SHROOM4: variants seen among roughly 807,000 people sequenced by gnomAD.
SHROOM4 encodes the protein protein Shroom4.
Under a neutral mutation model 80.3 loss-of-function variants are expected in SHROOM4, and 17 were observed. That is an observed-to-expected ratio of 0.21 (90% CI 0.14 to 0.32). The LOEUF (loss-of-function observed/expected upper bound fraction) is 0.32. Among genes scored for constraint, SHROOM4 ranks in the 10% least tolerant of loss-of-function variants. The pLI is 1.00. For missense variants in SHROOM4, 993 were observed against 1,140.3 expected (o/e 0.87, Z 1.86); for synonymous variants, 400 against 437.5 (o/e 0.91, Z 1.07).
At chrX:50,729,445 A>T (rs1189096545) in intron 1 of SHROOM4, among the ~76,000 whole-genome samples, 2 of 111,828 alleles carry the variant, frequency 1.8e-5, no homozygotes, top group Non-Finnish European at 1.9e-5. Flanking sequence ...ATGAATAGAG[A>T]TTATACAAAA....
intron 4 of SHROOM4, among the ~76,000 whole-genome samples, chrX:50,632,117 A>T (rs1602385359): frequency 9.0e-6 from 1 of 111,345 alleles, no homozygotes; most frequent in African/African-American, 3.3e-5. Context: ...TCACCACCCC[A>T]CAAGTTCCCT....
At chrX:50,673,680 A>C (rs915763003) in intron 2 of SHROOM4, among the ~76,000 whole-genome samples, 1 of 110,893 alleles carries the variant, frequency 9.0e-6, no homozygotes, top group African/African-American at 3.3e-5. Context: ...AAGCAGGTTG[A>C]AAGTACAAAG....
At chrX:50,773,828 T>C (rs781890826) in intron 1 of SHROOM4, among the ~76,000 whole-genome samples, 1 of 112,770 alleles carries the variant, frequency 8.9e-6, no homozygotes, top group Admixed American at 9.3e-5. Flanking sequence ...CACAGCTTTA[T>C]GAAAGGCACT....
intron 1 of SHROOM4, among the ~76,000 whole-genome samples, chrX:50,736,494 TGAAAA>T (rs1934496625): frequency 9.0e-6 from 1 of 111,608 alleles, no homozygotes; most frequent in Non-Finnish European, 1.9e-5. Context: ...CACTTATAAG[TGAAAA>T]CATGCAGTGT....
chrX:50,615,800 G>C (rs1557250686), intron 5 of SHROOM4, among the ~76,000 whole-genome samples: 2 of 111,498 alleles, frequency 1.8e-5, no homozygotes, highest in Non-Finnish European at 3.8e-5. Context: ...GGGAGGGGGA[G>C]TGGCCTGGGA....
At chrX:50,720,038 G>C (rs1934067294) in intron 1 of SHROOM4, among the ~76,000 whole-genome samples, 1 of 112,046 alleles carries the variant, frequency 8.9e-6, no homozygotes, top group Non-Finnish European at 1.9e-5. Context: ...TCTGAGAACA[G>C]TAGATTCCCA....
downstream of SHROOM4, among the ~76,000 whole-genome samples, chrX:50,586,024 C>T (rs1928752606): frequency 9.0e-6 from 1 of 111,605 alleles, no homozygotes; most frequent in African/African-American, 3.3e-5. Context: ...TCTGCCTCTC[C>T]TCACTCTTAC....
Position 50,592,250 on chromosome X carries a change from C to G in SHROOM4, c.*4445G>C, listed in dbSNP as rs782639551. 3.2e-6 allele frequency: 1 copy of G among 310,815 alleles called. No homozygotes were observed. Among genetic ancestry groups the G allele is most frequent in the Non-Finnish European group, 6.3e-6 (1 of 159,688 alleles). 25.6% of individuals were successfully genotyped at this position (310,815 alleles called of 1,213,427 possible). A position where few individuals can be genotyped will look rare whatever the true frequency, so the allele number is the denominator to read the frequency against. ...AGTACTTCCCATGCTGTAATATGTT[C>G]ATGAATCTCCTGGAAATCTAGTTAA... On this transcript the variant is annotated 3_prime_UTR_variant, in exon 9 of 9. Transcript: ENST00000376020.
chrX:50,791,750 G>C (rs1557271548), intron 1 of SHROOM4, among the ~76,000 whole-genome samples: 1 of 108,942 alleles, frequency 9.2e-6, no homozygotes, highest in Non-Finnish European at 1.9e-5. Context: ...AATTCAGAGG[G>C]AATTGCAAAG....
At chrX:50,640,846 A>G (rs782376722) in intron 2 of SHROOM4, among the ~76,000 whole-genome samples, 8 of 112,210 alleles carry the variant, frequency 7.1e-5, no homozygotes, top group Non-Finnish European at 1.5e-4. Context: ...CCTTTGTTTG[A>G]ATCCCAGCTC....
At position 50,607,775 on chromosome X, in the gene SHROOM4, G is replaced by GCTGCTGTTGCTA. The variant is rs2147231601; in HGVS notation, c.3366_3367insTAGCAACAGCAG (p.Lys1122_Gln1123insTer). The GCTGCTGTTGCTA allele has an allele frequency of 8.3e-7, 1 of 1,207,451 alleles. No individual in the cohort carries two copies. The highest frequency in any genetic ancestry group is 1.1e-6 in the Non-Finnish European group (1 of 893,085). ...TGTTGCTTCTGCTGCTGCTGTTGCT[G>GCTGCTGTTGCTA]CTTCTGCTGCTGGGCTGCACGAAAG... On this transcript the variant is annotated stop_gained and inframe_insertion, in exon 6 of 9. Coordinates refer to ENST00000376020, the MANE Select transcript of SHROOM4 (RefSeq NM_020717.5). LOFTEE classifies it high-confidence loss of function.
At chrX:50,666,204 C>A (rs1557260342) in intron 2 of SHROOM4, among the ~76,000 whole-genome samples, 1 of 111,244 alleles carries the variant, frequency 9.0e-6, no homozygotes, top group Non-Finnish European at 1.9e-5. Flanking sequence ...CTATTGTATT[C>A]CATGATGGCA....
At chrX:50,791,448 C>T (rs1298340148) in intron 1 of SHROOM4, among the ~76,000 whole-genome samples, 3 of 109,015 alleles carry the variant, frequency 2.8e-5, no homozygotes, top group Non-Finnish European at 5.7e-5. Flanking sequence ...GGGTCTCACT[C>T]TTTTACCCAG....
chrX:50,594,755 G>GAT lies in SHROOM4; in HGVS notation c.*1939_*1940insAT, dbSNP rs1929024454. ...CTACCTTCTCAATCTTGGCTGGCTT[G>GAT]TGTAAGCCTAGCCCCTGCAAGCCAC... On this transcript the variant is annotated 3_prime_UTR_variant, in exon 9 of 9. Transcript: ENST00000376020. The GAT allele has an allele frequency of 9.0e-6, 1 of 111,656 alleles. No individual in the cohort carries two copies. The highest frequency in any genetic ancestry group is 1.9e-5 in the Non-Finnish European group (1 of 53,136). 9.2% of individuals were successfully genotyped at this position (111,656 alleles called of 1,213,427 possible).
chrX:50,666,029 C>T (rs1557260325), intron 2 of SHROOM4, among the ~76,000 whole-genome samples: 1 of 111,965 alleles, frequency 8.9e-6, no homozygotes, highest in African/African-American at 3.2e-5. Context: ...AATTACGATA[C>T]TCCTAATGAA....
Position 50,635,536 on chromosome X carries a change from C to T in SHROOM4, c.537G>A (p.Gln179=), listed in dbSNP as rs1557255869. The T allele has an allele frequency of 2.5e-6, 3 of 1,210,684 alleles. No homozygotes were observed. The highest frequency in any genetic ancestry group is 3.4e-6 in the Non-Finnish European group (3 of 895,240). The change falls in exon 4 of 9, where the codon CAG becomes CAA. Residue 179 remains glutamine, a synonymous_variant. Coordinates refer to ENST00000376020, the MANE Select transcript of SHROOM4 (RefSeq NM_020717.5). Reference sequence around the variant, plus strand: ...AGTCACGCTGGTTAGGGTACATGTTCTGGTCAATAGGCAACAGATGGCTCT... The same window carrying T: ...AGTCACGCTGGTTAGGGTACATGTTTTGGTCAATAGGCAACAGATGGCTCT... ...TYESHLLPID[Q]NMYPNQRDSA... is the part of the protein sequence containing the mutation.
intron 2 of SHROOM4, among the ~76,000 whole-genome samples, chrX:50,639,628 A>C (rs1437460232): frequency 9.0e-6 from 1 of 111,557 alleles, no homozygotes; most frequent in Non-Finnish European, 1.9e-5. Flanking sequence ...CAAGCTGGCT[A>C]TATCGTGAGA....
intron 6 of SHROOM4, among the ~76,000 whole-genome samples, chrX:50,603,443 A>T (rs1929526266): frequency 9.0e-6 from 1 of 110,823 alleles, no homozygotes; most frequent in African/African-American, 3.3e-5. Context: ...TGCAGTTAGC[A>T]CCCTGCCAGG....
At chrX:50,760,092 G>T (rs1316188082) in intron 1 of SHROOM4, among the ~76,000 whole-genome samples, 1 of 110,623 alleles carries the variant, frequency 9.0e-6, no homozygotes, top group Non-Finnish European at 1.9e-5. Context: ...TTATTGTGTT[G>T]TTCAAGTCCT....
Sources: gnomAD v4.1 joint callset for allele counts (sites outside exome capture counted in the v4.1 genomes callset) on GRCh38, gnomAD v4.1.1 for gene constraint, MANE v1.5 for transcripts, NCBI Gene and HGNC (gene_info 2026-07-23, HGNC 2026-07-21) for gene names.